STAG1: variants seen among roughly 807,000 people sequenced by gnomAD.
The protein encoded by STAG1 is cohesin subunit SA-1.
In STAG1, 26 loss-of-function variants were observed where a neutral mutation model predicts 170.9. That is an observed-to-expected ratio of 0.15 (90% CI 0.11 to 0.21). STAG1 has a LOEUF of 0.21. STAG1 is among the 10% of genes least tolerant of loss of function. The probability of loss-of-function intolerance (pLI) is 1.00; values close to 1 mark genes in which losing one functional copy is unlikely to be tolerated. For synonymous variants in STAG1, 514 were observed against 497.7 expected (o/e 1.03, Z -0.44); for missense variants, 964 against 1,509.5 (o/e 0.64, Z 5.99).
At chr3:136,363,505 C>A in intron 25 of STAG1, 38 bp from the exon 26 acceptor site, 1 of 873,432 alleles carries the variant, frequency 1.1e-6, no homozygotes. Flanking sequence ...TTTAAAATTA[C>A]TGACATTTCA....
At chr3:136,525,749 C>G (rs925044157) in intron 6 of STAG1, among the ~76,000 whole-genome samples, 1 of 152,170 alleles carries the variant, frequency 6.6e-6, no homozygotes, top group Non-Finnish European at 1.5e-5. Flanking sequence ...ATAAATTTCC[C>G]TCTACACACT....
intron 1 of STAG1, among the ~76,000 whole-genome samples, chr3:136,707,609 G>T (rs539334991): frequency 6.6e-6 from 1 of 152,170 alleles, no homozygotes; most frequent in East Asian, 1.9e-4. Context: ...GAAGTTCAAG[G>T]GTTCAAGGGC....
intron 4 of STAG1, among the ~76,000 whole-genome samples, chr3:136,572,342 C>G (rs1233858859): frequency 3.3e-5 from 5 of 151,662 alleles, no homozygotes; most frequent in Admixed American, 6.6e-5. Flanking sequence ...TCCTGTAAAC[C>G]CTGCACTTTC....
At chr3:136,390,541 C>T (rs374520651) in intron 22 of STAG1, among the ~76,000 whole-genome samples, 7 of 152,158 alleles carry the variant, frequency 4.6e-5, no homozygotes, top group Middle Eastern at 3.4e-3. Context: ...AGTCATGGAA[C>T]GACCGAAAGG....
intron 20 of STAG1, among the ~76,000 whole-genome samples, 154 bp downstream of exon 20, chr3:136,420,939 A>G (rs748609191): frequency 1.3e-5 from 2 of 152,222 alleles, no homozygotes; most frequent in South Asian, 2.1e-4. Context: ...GGACACTCTC[A>G]TGCCCAATTT....
At chr3:136,401,059 T>TG (rs1319601095) in intron 21 of STAG1, among the ~76,000 whole-genome samples, 1 of 152,162 alleles carries the variant, frequency 6.6e-6, no homozygotes, top group Non-Finnish European at 1.5e-5. Context: ...ACAACATGAA[T>TG]ATTCCTTGCT....
At chr3:136,612,473 G>C (rs1276183143) in intron 3 of STAG1, among the ~76,000 whole-genome samples, 2 of 151,316 alleles carry the variant, frequency 1.3e-5, no homozygotes, top group Non-Finnish European at 2.9e-5. Flanking sequence ...CAATTGACAA[G>C]AAATACAAAG....
intron 1 of STAG1, among the ~76,000 whole-genome samples, chr3:136,714,939 A>ATG (rs1491240137): frequency 1.9e-5 from 1 of 53,452 alleles, no homozygotes; most frequent in East Asian, 7.6e-4. Flanking sequence ...TATATATTAA[A>ATG]TATATATATA....
intron 22 of STAG1, among the ~76,000 whole-genome samples, chr3:136,387,279 T>G (rs1314134206): frequency 6.6e-6 from 1 of 152,214 alleles, no homozygotes; most frequent in East Asian, 1.9e-4. Flanking sequence ...CATGGTTGTG[T>G]TCCAATAAAA....
chr3:136,609,961 A>T (rs934570563), intron 3 of STAG1, among the ~76,000 whole-genome samples: 1 of 151,784 alleles, frequency 6.6e-6, no homozygotes, highest in Admixed American at 6.6e-5. Flanking sequence ...CCTGAATTTA[A>T]AAAAAAAATT....
At position 136,715,059 on chromosome 3, in the gene STAG1, G is replaced by C. The variant is rs1056307418; in HGVS notation, c.-84+37136C>G. The stretch of plus-strand genomic sequence containing the variant: ...AAGTCAAGATAATTGTTCTTTTAGA[G>C]GAAAGGGAGGGTACCGTATGAAATA... On this transcript the variant is annotated intron_variant, in intron 1 of 33. Transcript: ENST00000383202. 6.3e-5 allele frequency among the ~76,000 whole-genome samples: 9 copies of C among 142,782 alleles called. No individual in the cohort carries two copies. In the East Asian group the frequency reaches 1.9e-3, roughly 30 times the overall value. The allele number at this position is 142,782 out of a possible 152,430, so 93.7% of individuals were successfully genotyped here. A position where few individuals can be genotyped will look rare whatever the true frequency, so the allele number is the denominator to read the frequency against.
chr3:136,486,487 T>C (rs1180369317), intron 9 of STAG1, among the ~76,000 whole-genome samples: 3 of 152,172 alleles, frequency 2.0e-5, no homozygotes, highest in Admixed American at 2.0e-4. Flanking sequence ...ATCCAAATCA[T>C]ATCATTTTAG....
chr3:136,381,492 T>C (rs980650321), intron 22 of STAG1, among the ~76,000 whole-genome samples: 12 of 152,130 alleles, frequency 7.9e-5, no homozygotes, highest in Admixed American at 1.3e-4. Flanking sequence ...ATAGCAATTA[T>C]GAAGCTGTGG....
At chr3:136,371,187 T>C (rs1102975) in intron 23 of STAG1, among the ~76,000 whole-genome samples, 2 of 152,156 alleles carry the variant, frequency 1.3e-5, no homozygotes, top group African/African-American at 2.4e-5. Context: ...ATATCCTTTG[T>C]CCACTTTTTG....
At chr3:136,578,724 A>C (rs968126758) in intron 4 of STAG1, among the ~76,000 whole-genome samples, 3 of 152,200 alleles carry the variant, frequency 2.0e-5, no homozygotes, top group Non-Finnish European at 2.9e-5. Flanking sequence ...CCACCAGTTA[A>C]ATCAGGGGCT....
intron 10 of STAG1, among the ~76,000 whole-genome samples, chr3:136,475,790 G>T (rs2089734234): frequency 6.6e-6 from 1 of 152,184 alleles, no homozygotes; most frequent in Non-Finnish European, 1.5e-5. Flanking sequence ...AAGTTAAGTG[G>T]CTATTGCTAA....
intron 13 of STAG1, among the ~76,000 whole-genome samples, chr3:136,462,262 A>G (rs1484826874): frequency 6.6e-6 from 1 of 152,190 alleles, no homozygotes; most frequent in Non-Finnish European, 1.5e-5. Flanking sequence ...CTACAGCACT[A>G]TTCATAGTAG....
chr3:136,468,260 C>A (rs2089526105), intron 12 of STAG1, among the ~76,000 whole-genome samples: 1 of 151,758 alleles, frequency 6.6e-6, no homozygotes, highest in Non-Finnish European at 1.5e-5. Flanking sequence ...AGACCACTAG[C>A]AAGACTAATA....
intron 4 of STAG1, among the ~76,000 whole-genome samples, chr3:136,601,045 G>C (rs1205001797): frequency 2.0e-5 from 3 of 151,820 alleles, no homozygotes; most frequent in East Asian, 1.9e-4. Flanking sequence ...ATTTTTAGTA[G>C]AGACAGGGTT....
Sources: gnomAD v4.1 joint callset for allele counts (sites outside exome capture counted in the v4.1 genomes callset) on GRCh38, gnomAD v4.1.1 for gene constraint, MANE v1.5 for transcripts, NCBI Gene and HGNC (gene_info 2026-07-23, HGNC 2026-07-21) for gene names.